The following NUFIP2 variants were observed in gnomAD, a reference collection of about 807,000 sequenced individuals.
NUFIP2 encodes the protein FMR1-interacting protein NUFIP2.
NUFIP2 carries 6 observed loss-of-function variants against 56.9 expected under a neutral mutation model. The ratio of observed to expected loss-of-function variants is 0.11; its 90% CI spans 0.06 to 0.21. NUFIP2 has a LOEUF of 0.21. NUFIP2 is among the 10% of genes least tolerant of loss of function. NUFIP2 has a pLI of 1.00. For missense variants in NUFIP2, 828 were observed against 826.8 expected, an observed-to-expected ratio of 1.00 and a Z score of -0.02; for synonymous variants, 321 against 298.2, an observed-to-expected ratio of 1.08 and a Z score of -0.79.
rs2068976348 is a variant in NUFIP2, at chr17:29,257,264, CAAAGATGGT to C, written c.*7266_*7274del. Reference sequence around the variant, plus strand: ...ACTATGTAACTTTGAGCCAAGTTTCCAAAGATGGTAAAGCTAACAACAGCAAAGTAGTAA... The same window carrying C: ...ACTATGTAACTTTGAGCCAAGTTTCCAAAGCTAACAACAGCAAAGTAGTAA... On this transcript the variant is annotated 3_prime_UTR_variant, in exon 4 of 4. Coordinates refer to ENST00000225388, the MANE Select transcript of NUFIP2 (RefSeq NM_020772.3). 1 of 152,164 alleles carries C rather than the reference CAAAGATGGT, an allele frequency of 6.6e-6. No individual in the cohort carries two copies. Among genetic ancestry groups the C allele is most frequent in the African/African-American group, 2.4e-5 (1 of 41,432 alleles). The allele number at this position is 152,164 out of a possible 1,614,324, so 9.4% of individuals were successfully genotyped here.
At chr17:29,267,280 C>T (rs1386113165) in intron 3 of NUFIP2, among the ~76,000 whole-genome samples, 1 of 151,366 alleles carries the variant, frequency 6.6e-6, no homozygotes, top group Non-Finnish European at 1.5e-5. Context: ...TCTTGAACTC[C>T]TGGACTTCAG....
Position 29,260,686 on chromosome 17 carries a change from C to T in NUFIP2, c.*3853G>A, listed in dbSNP as rs2068997421. The T allele has an allele frequency of 6.6e-6, 1 of 151,952 alleles. No homozygotes were observed. The allele number at this position is 151,952 out of a possible 1,614,324, so 9.4% of individuals were successfully genotyped here. A position where few individuals can be genotyped will look rare whatever the true frequency, so the allele number is the denominator to read the frequency against. On this transcript the variant is annotated 3_prime_UTR_variant, in exon 4 of 4. Coordinates refer to ENST00000225388, the MANE Select transcript of NUFIP2 (RefSeq NM_020772.3). ...ATATTATCACTATGTAATGTTTTTTCAAAATTTTGTATTGTGGACAACTCC... is the reference window on the plus strand; with the variant it reads ...ATATTATCACTATGTAATGTTTTTTTAAAATTTTGTATTGTGGACAACTCC...
In NUFIP2 at chr17:29,293,916, G is replaced by A. The variant is rs1054145; in HGVS notation, c.144C>T (p.His48=). 4,836 of 1,600,386 alleles carry A rather than the reference G, an allele frequency of 3.0e-3. 118 individuals are homozygous for A. In the African/African-American group the frequency reaches 0.053, roughly 17 times the overall value. Residue 48 remains histidine, a synonymous_variant, in exon 1 of 4, where the codon CAC becomes CAT. Transcript: ENST00000225388. The part of the protein sequence containing the change: ...FYNHSHNHHH[H]HHHQQPHQYL... ...ATTGGTGAGGCTGCTGGTGATGATG[G>A]TGGTGGTGGTGGTTGTGGCTGTGGT...
At chr17:29,279,860 G>C (rs1882203687) in intron 2 of NUFIP2, among the ~76,000 whole-genome samples, 1 of 151,972 alleles carries the variant, frequency 6.6e-6, no homozygotes, top group South Asian at 2.1e-4. Flanking sequence ...TGTCTCCTAG[G>C]CTGGATAGAG....
At position 29,287,142 on chromosome 17, in the gene NUFIP2, A is replaced by G. The variant is rs2069181866; in HGVS notation, c.852T>C (p.Thr284=). The G allele has an allele frequency of 1.2e-6, 2 of 1,614,052 alleles. No individual in the cohort carries two copies. The highest frequency in any genetic ancestry group is 1.7e-6 in the Non-Finnish European group (2 of 1,180,032). ...DGSKPIWKYE[T]GPGGTSRGKP... is the part of the protein sequence containing the mutation. ...TTCCTCGACTTGTTCCTCCAGGCCC[A>G]GTTTCATACTTCCAAATGGGCTTCG... Residue 284 remains threonine (T), a synonymous_variant, in exon 2 of 4, where the codon ACT becomes ACC. Transcript: ENST00000225388.
chr17:29,275,463 G>T (rs2069102017), intron 2 of NUFIP2, among the ~76,000 whole-genome samples: 1 of 152,142 alleles, frequency 6.6e-6, no homozygotes, highest in African/African-American at 2.4e-5. Context: ...TATAGTAAAG[G>T]TATAGGATAT....
At chr17:29,267,581 G>A (rs771148646) in intron 2 of NUFIP2, 51 bp from the exon 3 acceptor site, 2 of 1,116,712 alleles carry the variant, frequency 1.8e-6, no homozygotes, top group East Asian at 2.5e-5. Context: ...AGCAAAGTCT[G>A]AAGCGATGCT....
chr17:29,291,121 G>A (rs1052266362), intron 1 of NUFIP2, among the ~76,000 whole-genome samples: 6 of 150,850 alleles, frequency 4.0e-5, no homozygotes, highest in Non-Finnish European at 7.4e-5. Context: ...TATGAAGTAT[G>A]CTGGAAAGAA....
intron 2 of NUFIP2, among the ~76,000 whole-genome samples, chr17:29,274,049 A>AG (rs1775341880): frequency 3.3e-5 from 5 of 152,226 alleles, no homozygotes; most frequent in Admixed American, 3.3e-4. Flanking sequence ...AGCTTACTCT[A>AG]GTAAGCAACT....
rs781113466 is a variant in NUFIP2 at position 29,286,193 on chromosome 17, G to A, written c.1801C>T (p.Leu601=). The part of the protein sequence containing the change: ...LSLEPSHIGD[L]QKADTSSQGA... ...TGACTACTGGTGTCTGCTTTCTGCA[G>A]GTCACCTATATGACTGGGTTCCAAG... Residue 601 remains leucine, a synonymous_variant, in exon 2 of 4, where the codon CTG becomes TTG. Coordinates refer to ENST00000225388, the MANE Select transcript of NUFIP2 (RefSeq NM_020772.3). The A allele has an allele frequency of 1.2e-6, 2 of 1,613,834 alleles. No individual in the cohort carries two copies.
rs1240703124 is a variant in NUFIP2 at position 29,255,977 on chromosome 17, C to T, written c.*8562G>A. 1 of 152,100 alleles carries T rather than the reference C, an allele frequency of 6.6e-6. No homozygotes were observed. The highest frequency in any genetic ancestry group is 2.4e-5 in the African/African-American group (1 of 41,414). 9.4% of individuals were successfully genotyped at this position (152,100 alleles called of 1,614,324 possible). A position where few individuals can be genotyped will look rare whatever the true frequency, so the allele number is the denominator to read the frequency against. On this transcript the variant is annotated 3_prime_UTR_variant, in exon 4 of 4. Coordinates refer to ENST00000225388, the MANE Select transcript of NUFIP2 (RefSeq NM_020772.3). ...GTGTTTGTAATTTATATTTTTAAAA[C>T]ACTGAACATGATGAAGACATCAATA... is the stretch of plus-strand genomic sequence containing the variant.
rs1306694387 is a variant in NUFIP2, at chr17:29,263,378, T to C, written c.*1161A>G. 1.3e-5 allele frequency: 2 copies of C among 152,594 alleles called. No individual in the cohort carries two copies. Among genetic ancestry groups the C allele is most frequent in the Non-Finnish European group, 2.9e-5 (2 of 68,022 alleles). The allele number at this position is 152,594 out of a possible 1,614,324, so 9.5% of individuals were successfully genotyped here. On this transcript the variant is annotated 3_prime_UTR_variant, in exon 4 of 4. Transcript: ENST00000225388. ...GTAATAAAATATATTTATTAAGATA[T>C]AATTAGAAGCTAACAAGCTCAGAAG...
rs2068987240 is a variant in NUFIP2 at position 29,259,103 on chromosome 17, A to T, written c.*5436T>A. The stretch of plus-strand genomic sequence containing the variant: ...GCATTTTAAGAATAAAGCAGACATC[A>T]CTAAAGCAGTATCCATTTTCAGAGC... On this transcript the variant is annotated 3_prime_UTR_variant, in exon 4 of 4. Transcript: ENST00000225388. 6.6e-6 allele frequency: 1 copy of T among 152,228 alleles called. No homozygotes were observed. The highest frequency in any genetic ancestry group is 1.5e-5 in the Non-Finnish European group (1 of 68,044). The allele number at this position is 152,228 out of a possible 1,614,324, so 9.4% of individuals were successfully genotyped here.
At chr17:29,274,322 T>TGACTCCCAC (rs2069094428) in intron 2 of NUFIP2, among the ~76,000 whole-genome samples, 3 of 152,140 alleles carry the variant, frequency 2.0e-5, no homozygotes, top group African/African-American at 7.2e-5. Flanking sequence ...ATTTAAAAAC[T>TGACTCCCAC]AGCTGGGTGT....
intron 1 of NUFIP2, among the ~76,000 whole-genome samples, chr17:29,292,541 G>A (rs1354253796): frequency 1.1e-4 from 16 of 151,550 alleles, no homozygotes; most frequent in Non-Finnish European, 1.9e-4. Flanking sequence ...CCGGGGAGCT[G>A]GGTTCCCGCT....
intron 2 of NUFIP2, among the ~76,000 whole-genome samples, chr17:29,275,943 G>C (rs898841184): frequency 6.6e-6 from 1 of 151,788 alleles, no homozygotes; most frequent in Non-Finnish European, 1.5e-5. Flanking sequence ...CAGGAGAATT[G>C]CTTGAACCCA....
intron 2 of NUFIP2, among the ~76,000 whole-genome samples, chr17:29,277,993 C>T (rs1366461207): frequency 1.3e-5 from 2 of 151,690 alleles, no homozygotes; most frequent in South Asian, 2.1e-4. Flanking sequence ...GCCTGGGCAA[C>T]GAGAGTGAAA....
intron 2 of NUFIP2, among the ~76,000 whole-genome samples, chr17:29,272,825 C>T (rs187750864): frequency 6.6e-6 from 1 of 151,598 alleles, no homozygotes. Flanking sequence ...GGATGGTCAA[C>T]CTCAGTAACT....
chr17:29,266,199 TCAGGTGATCCAC>T (rs1280056537), intron 3 of NUFIP2, among the ~76,000 whole-genome samples: 1 of 151,992 alleles, frequency 6.6e-6, no homozygotes, highest in Non-Finnish European at 1.5e-5. Flanking sequence ...CTCCTGAACC[TCAGGTGATCCAC>T]CTGCCTCCGC....
Sources: allele counts gnomAD v4.1 joint callset (sites outside exome capture counted in the v4.1 genomes callset), GRCh38; gene constraint gnomAD v4.1.1; transcripts MANE v1.5; gene names NCBI Gene and HGNC (gene_info 2026-07-23, HGNC 2026-07-21).